ACACA: variants seen among roughly 807,000 people sequenced by gnomAD.
The protein encoded by ACACA is acetyl-CoA carboxylase alpha, also known as acetyl-CoA carboxylase 1.
In ACACA, 103 loss-of-function variants were observed where a neutral mutation model predicts 296.1. The observed-to-expected ratio is 0.35, with a 90% CI of 0.30 to 0.41. ACACA has a LOEUF of 0.41. ACACA is among the 10% of genes least tolerant of loss of function. The probability of loss-of-function intolerance (pLI) is 1.00; values close to 1 mark genes in which losing one functional copy is unlikely to be tolerated. For synonymous variants in ACACA, 953 were observed against 1,038.6 expected (o/e 0.92, Z 1.58); for missense variants, 1,554 against 2,989.7 (o/e 0.52, Z 11.20).
intron 3 of ACACA, among the ~76,000 whole-genome samples, chr17:37,305,103 AT>A (rs2083810052): frequency 6.6e-6 from 1 of 152,156 alleles, no homozygotes; most frequent in Admixed American, 6.5e-5. Flanking sequence ...CATGGGTCAC[AT>A]TTTCCTGTAT....
intron 2 of ACACA, among the ~76,000 whole-genome samples, chr17:37,336,575 G>T (rs146500911): frequency 1.5e-3 from 235 of 152,276 alleles, no homozygotes; most frequent in African/African-American, 5.4e-3. Flanking sequence ...GAGGGACAAT[G>T]ATCGGGATAT....
intron 12 of ACACA, among the ~76,000 whole-genome samples, chr17:37,258,692 T>A (rs555123056): frequency 1.3e-5 from 2 of 152,278 alleles, no homozygotes; most frequent in African/African-American, 4.8e-5. Context: ...TTAATAGCCA[T>A]CCAAAAACAG....
At position 37,097,301 on chromosome 17, in the gene ACACA, T is replaced by C; in HGVS notation, c.6721-135A>G. 1.0e-6 allele frequency: 1 copy of C among 1,003,898 alleles called. No individual in the cohort carries two copies. Among genetic ancestry groups the C allele is most frequent in the Non-Finnish European group, 1.5e-6 (1 of 663,510 alleles). The allele number at this position is 1,003,898 out of a possible 1,614,324, so 62.2% of individuals were successfully genotyped here. A position where few individuals can be genotyped will look rare whatever the true frequency, so the allele number is the denominator to read the frequency against. On this transcript the variant is annotated intron_variant, in intron 53 of 55. Coordinates refer to ENST00000616317, the MANE Select transcript of ACACA (RefSeq NM_198834.3). This position sits in a 1 kb window ranked among gnomAD's most constrained non-coding sequence, Gnocchi z 4.8. ...GACCCAAGAGCTGGCTGTAAACTCC[T>C]AGCACTTCCAGATGTCCCCCAGGGC...
chr17:37,310,787 C>A (rs1416029255), intron 3 of ACACA, among the ~76,000 whole-genome samples: 5 of 130,100 alleles, frequency 3.8e-5, no homozygotes, highest in African/African-American at 1.5e-4. Context: ...GAGCGAGACA[C>A]CATCTCAAAA....
At chr17:37,124,562 A>G (rs1268465972) in intron 48 of ACACA, among the ~76,000 whole-genome samples, 2 of 152,242 alleles carry the variant, frequency 1.3e-5, no homozygotes, top group Non-Finnish European at 2.9e-5. Context: ...GTCGAGTATC[A>G]GGGTTCTCGC....
At chr17:37,233,842 C>G (rs547534739) in intron 25 of ACACA, among the ~76,000 whole-genome samples, 1 of 152,298 alleles carries the variant, frequency 6.6e-6, no homozygotes, top group South Asian at 2.1e-4. Flanking sequence ...TTTTCCCTCT[C>G]AACTGCATCT....
chr17:37,319,735 G>A (rs1222050153), intron 3 of ACACA, among the ~76,000 whole-genome samples: 9 of 151,912 alleles, frequency 5.9e-5, no homozygotes, highest in Admixed American at 3.9e-4. Flanking sequence ...GGTGGATCAC[G>A]ATGTCAGGAG....
chr17:37,358,863 T>TC (rs1002671298), intron 1 of ACACA: 8 of 825,574 alleles, frequency 9.7e-6, no homozygotes, highest in Admixed American at 1.2e-4. Context: ...CCGCACCCGA[T>TC]CTGGATAGTG....
At position 37,175,805 on chromosome 17, in the gene ACACA, T is replaced by G. The variant is rs147876222; in HGVS notation, c.5079+3455A>C. 4.5e-4 allele frequency among the ~76,000 whole-genome samples: 68 copies of G among 152,312 alleles called. No individual in the cohort carries two copies. In the East Asian group the frequency reaches 0.013, roughly 29 times the overall value. On this transcript the variant is annotated intron_variant, in intron 41 of 55. Transcript: ENST00000616317. ...AAATATGACAATGAGAAAAATGTGT[T>G]CTCCTATACCTTTCATCATGCATTA...
At chr17:37,373,682 G>A (rs1331932528) in intron 1 of ACACA, among the ~76,000 whole-genome samples, 1 of 152,304 alleles carries the variant, frequency 6.6e-6, no homozygotes, top group African/African-American at 2.4e-5. Context: ...GCCACCTTGT[G>A]ACACTGGATG....
intron 54 of ACACA, among the ~76,000 whole-genome samples, chr17:37,092,159 A>G (rs2072684887): frequency 1.3e-5 from 2 of 151,674 alleles, no homozygotes; most frequent in South Asian, 2.1e-4. Context: ...GTATGCCTAT[A>G]GTCCCAGCTA....
chr17:37,242,821 G>A (rs2080484501), intron 22 of ACACA, among the ~76,000 whole-genome samples: 1 of 152,122 alleles, frequency 6.6e-6, no homozygotes, highest in Non-Finnish European at 1.5e-5. Context: ...GGCGGATCAC[G>A]AGGTCAGGAG....
At chr17:37,293,539 CTTTTTTT>C (rs58534025) in intron 3 of ACACA, among the ~76,000 whole-genome samples, 1 of 124,612 alleles carries the variant, frequency 8.0e-6, no homozygotes, top group African/African-American at 3.0e-5. Flanking sequence ...AATTTTAGGA[CTTTTTTT>C]TTTTTTTTTT....
At chr17:37,377,859 C>T (rs1263524505) in intron 1 of ACACA, 4 of 1,596,772 alleles carry the variant, frequency 2.5e-6, no homozygotes, top group Middle Eastern at 1.7e-4. Flanking sequence ...TTCCCCTCCT[C>T]CCCCTCTGCT....
rs778172160 is a variant in ACACA at position 37,244,581 on chromosome 17, T to C, written c.2742+7A>G. ...TACATCCCTTCCCCAGGAGACGTGA[T>C]ACATACCTTGCTGCTAAAGAAAGGA... On this transcript the variant is annotated splice_region_variant and intron_variant, in intron 21 of 55. Transcript: ENST00000616317. 5 of 1,613,964 alleles carry C rather than the reference T, an allele frequency of 3.1e-6. No individual in the cohort carries two copies. The highest frequency in any genetic ancestry group is 1.1e-5 in the South Asian group (1 of 91,080).
intron 1 of ACACA, 143 bp downstream of exon 1, chr17:37,406,119 C>A (rs1440410956): frequency 5.6e-6 from 5 of 894,132 alleles, no homozygotes; most frequent in Admixed American, 1.8e-5. Context: ...ATAGGGATAA[C>A]AACAGGTGCC....
chr17:37,188,511 T>G, intron 38 of ACACA, 31 bp from the exon 39 acceptor site: 1 of 1,608,342 alleles, frequency 6.2e-7, no homozygotes, highest in Non-Finnish European at 8.5e-7. Context: ...AGCACAAAAC[T>G]TAAATATCTT....
At chr17:37,195,560 C>A (rs187846435) in intron 35 of ACACA, among the ~76,000 whole-genome samples, 1 of 151,932 alleles carries the variant, frequency 6.6e-6, no homozygotes, top group East Asian at 1.9e-4. Flanking sequence ...TGTAACTCCC[C>A]GGTAAAATCC....
intron 51 of ACACA, among the ~76,000 whole-genome samples, chr17:37,111,899 GAGA>G (rs1311533596): frequency 2.0e-5 from 3 of 152,090 alleles, no homozygotes; most frequent in Non-Finnish European, 4.4e-5. Flanking sequence ...ATTTCAAAGG[GAGA>G]AGAATACAGA....
Sources: gnomAD v4.1 joint callset for allele counts (sites outside exome capture counted in the v4.1 genomes callset) on GRCh38, gnomAD v4.1.1 for gene constraint, Gnocchi (gnomAD v3.1) non-coding constraint, MANE v1.5 for transcripts, NCBI Gene and HGNC (gene_info 2026-07-23, HGNC 2026-07-21) for gene names.